The following PDE3B variants were observed in gnomAD, a reference collection of about 807,000 sequenced individuals.
The protein encoded by PDE3B is cGMP-inhibited 3',5'-cyclic phosphodiesterase 3B.
In PDE3B, 66 loss-of-function variants were observed where a neutral mutation model predicts 116.8. That is an observed-to-expected ratio of 0.56 (90% CI 0.46 to 0.69). The LOEUF is 0.69. PDE3B is among the 30% of genes least tolerant of loss of function. The pLI is 0.00. For synonymous variants in PDE3B, 595 were observed against 533.6 expected (o/e 1.12, Z -1.59); for missense variants, 1,384 against 1,368.1 (o/e 1.01, Z -0.18).
the PDE3B span, chr11:14,890,847 C>A: frequency 5.1e-6 from 5 of 985,116 alleles, no homozygotes; most frequent in South Asian, 9.4e-5. Flanking sequence ...CGCGCCCGGG[C>A]ACCTAGACCA....
chr11:14,649,621 G>C (rs1309761980), intron 1 of PDE3B, among the ~76,000 whole-genome samples: 2 of 152,212 alleles, frequency 1.3e-5, no homozygotes, highest in African/African-American at 4.8e-5. Flanking sequence ...AGGTAGGCAA[G>C]AAGTGAGAGA....
At chr11:14,693,230 C>G (rs1855097923) in intron 1 of PDE3B, among the ~76,000 whole-genome samples, 1 of 152,142 alleles carries the variant, frequency 6.6e-6, no homozygotes, top group Admixed American at 6.5e-5. Flanking sequence ...GCAACTATCT[C>G]CATAACATAA....
chr11:14,864,393 C>A (rs921668482), intron 14 of PDE3B, among the ~76,000 whole-genome samples: 9 of 152,146 alleles, frequency 5.9e-5, no homozygotes, highest in Non-Finnish European at 1.3e-4. Flanking sequence ...TTAGACAGAT[C>A]AAGACAGAAA....
At chr11:14,777,101 A>G (rs1375803921) in intron 2 of PDE3B, among the ~76,000 whole-genome samples, 1 of 152,204 alleles carries the variant, frequency 6.6e-6, no homozygotes, top group Non-Finnish European at 1.5e-5. Flanking sequence ...GCTGAAAAAT[A>G]CAATAATAGA....
the PDE3B span, chr11:14,887,560 A>G: frequency 5.2e-6 from 5 of 968,010 alleles, no homozygotes; most frequent in Non-Finnish European, 6.1e-6. Flanking sequence ...CAATAATTTT[A>G]GTGCCAATTA....
At chr11:14,886,092 A>T in the PDE3B span, 3 of 638,826 alleles carry the variant, frequency 4.7e-6, no homozygotes, top group South Asian at 5.3e-5. Context: ...TAAGGCATGC[A>T]AAACTGTGTG....
intron 1 of PDE3B, among the ~76,000 whole-genome samples, chr11:14,748,159 A>G (rs754380688): frequency 5.3e-5 from 8 of 152,258 alleles, no homozygotes; most frequent in Non-Finnish European, 1.2e-4. Flanking sequence ...ATTAGTAAGA[A>G]TAGATCATAT....
At chr11:14,783,262 T>C (rs1858083144) in intron 2 of PDE3B, among the ~76,000 whole-genome samples, 1 of 152,236 alleles carries the variant, frequency 6.6e-6, no homozygotes, top group South Asian at 2.1e-4. Context: ...TTACTGGGTA[T>C]ATACCCAAAG....
intron 11 of PDE3B, among the ~76,000 whole-genome samples, chr11:14,837,983 T>G (rs1327985748): frequency 6.6e-6 from 1 of 151,900 alleles, no homozygotes; most frequent in Admixed American, 6.6e-5. Flanking sequence ...TTTATTTTAT[T>G]TTATTTTTTT....
chr11:14,891,799 G>A, the PDE3B span: 1 of 1,411,258 alleles, frequency 7.1e-7, no homozygotes, highest in Non-Finnish European at 9.2e-7. Context: ...CTGCAAGGGG[G>A]CACGGCGTCG....
chr11:14,799,289 C>G (rs1858668266), intron 4 of PDE3B, among the ~76,000 whole-genome samples: 1 of 152,154 alleles, frequency 6.6e-6, no homozygotes, highest in Non-Finnish European at 1.5e-5. Context: ...GCACTGTGGT[C>G]TGAGAGACTG....
chr11:14,844,850 G>C (rs1847558916), intron 12 of PDE3B, among the ~76,000 whole-genome samples: 1 of 152,210 alleles, frequency 6.6e-6, no homozygotes. Context: ...GAACTGGGTG[G>C]AGCCAACCAC....
chr11:14,844,098 AATCATTCAGTTGAATC>A, intron 12 of PDE3B, 72 bp downstream of exon 12: 1 of 1,106,858 alleles, frequency 9.0e-7, no homozygotes, highest in Non-Finnish European at 1.4e-6. Flanking sequence ...TCCCTTTATA[AATCATTCAGTTGAATC>A]ATATGTCCAA....
At chr11:14,782,449 A>T (rs1858039619) in intron 2 of PDE3B, among the ~76,000 whole-genome samples, 1 of 152,222 alleles carries the variant, frequency 6.6e-6, no homozygotes, top group Non-Finnish European at 1.5e-5. Flanking sequence ...CCTCAGAAAT[A>T]GTACCACACA....
intron 1 of PDE3B, among the ~76,000 whole-genome samples, chr11:14,650,380 T>C (rs1197399211): frequency 6.6e-6 from 1 of 151,906 alleles, no homozygotes; most frequent in Non-Finnish European, 1.5e-5. Flanking sequence ...TTTTTGTATC[T>C]TTTTTTTGTA....
intron 1 of PDE3B, among the ~76,000 whole-genome samples, chr11:14,727,305 T>C (rs931889910): frequency 5.3e-5 from 8 of 152,064 alleles, no homozygotes; most frequent in African/African-American, 1.7e-4. Flanking sequence ...TTTGAAGAAA[T>C]TTACATTTTT....
chr11:14,891,772 C>T, the PDE3B span: 1 of 1,388,134 alleles, frequency 7.2e-7, no homozygotes, highest in Non-Finnish European at 9.3e-7. Flanking sequence ...GGGTCACCGG[C>T]AGGGGCGGGG....
At chr11:14,791,916 T>C (rs905756542) in intron 4 of PDE3B, among the ~76,000 whole-genome samples, 2 of 152,164 alleles carry the variant, frequency 1.3e-5, no homozygotes, top group African/African-American at 4.8e-5. Flanking sequence ...CCTAAGGCAA[T>C]GTAAATGCTA....
downstream of PDE3B, among the ~76,000 whole-genome samples, chr11:14,873,371 C>T (rs908603559): frequency 5.9e-5 from 9 of 152,036 alleles, no homozygotes; most frequent in South Asian, 4.2e-4. Context: ...TTTGACAGAA[C>T]GGCAGAGCAA....
Sources: gnomAD v4.1 joint callset for allele counts (sites outside exome capture counted in the v4.1 genomes callset) on GRCh38, gnomAD v4.1.1 for gene constraint, MANE v1.5 for transcripts, NCBI Gene and HGNC (gene_info 2026-07-23, HGNC 2026-07-21) for gene names.